The following VPS13C variants were observed in gnomAD, a reference collection of about 807,000 sequenced individuals.
The protein encoded by VPS13C is intermembrane lipid transfer protein VPS13C.
VPS13C carries 358 observed loss-of-function variants against 456.8 expected under a neutral mutation model. The observed-to-expected ratio is 0.78, with a 90% CI of 0.72 to 0.86. The LOEUF (loss-of-function observed/expected upper bound fraction) is 0.86. VPS13C is among the 40% of genes least tolerant of loss of function. The pLI is 0.00. For missense variants in VPS13C, 4,818 were observed against 4,385.4 expected, an observed-to-expected ratio of 1.10 and a Z score of -2.79; for synonymous variants, 1,578 against 1,486.7, an observed-to-expected ratio of 1.06 and a Z score of -1.41.
chr15:61,910,362 G>A, intron 63 of VPS13C, 57 bp from the exon 64 acceptor site: 1 of 1,263,084 alleles, frequency 7.9e-7, no homozygotes, highest in South Asian at 2.4e-5. Flanking sequence ...TAATAAATAA[G>A]ACATTACCTA....
chr15:61,936,124 T>A (rs375453901), intron 48 of VPS13C, among the ~76,000 whole-genome samples: 1 of 152,210 alleles, frequency 6.6e-6, no homozygotes, highest in Non-Finnish European at 1.5e-5. Context: ...CTGCTTTTAA[T>A]AGGTTCAAAT....
At chr15:62,011,957 A>C in intron 12 of VPS13C, 150 bp downstream of exon 12, 1 of 507,088 alleles carries the variant, frequency 2.0e-6, no homozygotes, top group Non-Finnish European at 3.5e-6. Flanking sequence ...CTAAATAATA[A>C]GTTATAACCC....
At chr15:61,933,152 T>C (rs1299671871) in intron 49 of VPS13C, among the ~76,000 whole-genome samples, 1 of 152,188 alleles carries the variant, frequency 6.6e-6, no homozygotes, top group Non-Finnish European at 1.5e-5. Flanking sequence ...GTACTCAGCA[T>C]CTCAATGAAT....
intron 66 of VPS13C, among the ~76,000 whole-genome samples, chr15:61,901,090 AC>A (rs1477220739): frequency 6.6e-6 from 1 of 151,312 alleles, no homozygotes; most frequent in Non-Finnish European, 1.5e-5. Flanking sequence ...CCTTCCTTAC[AC>A]CTTATACAAA....
At chr15:61,980,354 T>C (rs550057586) in intron 22 of VPS13C, among the ~76,000 whole-genome samples, 64 of 152,246 alleles carry the variant, frequency 4.2e-4, no homozygotes, top group African/African-American at 1.4e-3. Context: ...GCAACAGTTT[T>C]TGGGGATGCT....
At chr15:62,000,778 AAATTTTTT>A in intron 15 of VPS13C, 152 bp from the exon 16 acceptor site, 2 of 526,152 alleles carry the variant, frequency 3.8e-6, no homozygotes, top group Non-Finnish European at 6.2e-6. Flanking sequence ...CTAGACTTTT[AAATTTTTT>A]AATTTTTTAC....
rs202146413 is a variant in VPS13C at position 61,927,292 on chromosome 15, T to C, written c.6315A>G (p.Leu2105=). 9.9e-6 allele frequency: 16 copies of C among 1,614,010 alleles called. No individual in the cohort carries two copies. Among genetic ancestry groups the C allele is most frequent in the Non-Finnish European group, 1.3e-5 (15 of 1,180,004 alleles). Residue 2105 remains leucine, a synonymous_variant, in exon 52 of 85, where the codon TTA becomes TTG. Transcript: ENST00000644861. ...CTTCTGGATCTGTGATCATGGCCTTTAAAGTCATATTTGGTCTAACAGAGT... is the reference window on the plus strand; with the variant it reads ...CTTCTGGATCTGTGATCATGGCCTTCAAAGTCATATTTGGTCTAACAGAGT... ...KDDSVRPNMT[L]KAMITDPEVV...
rs969347912 is a variant in VPS13C, at chr15:61,881,662, AAT to A, written c.9707-32_9707-31del. 15 of 1,607,508 alleles carry A rather than the reference AAT, an allele frequency of 9.3e-6. No individual in the cohort carries two copies. In the African/African-American group the frequency reaches 1.6e-4, roughly 17 times the overall value. On this transcript the variant is annotated intron_variant, in intron 70 of 84. Coordinates refer to ENST00000644861, the MANE Select transcript of VPS13C (RefSeq NM_020821.3). ...GAGGAAGAAGTAACACATAAAAAAA[AAT>A]AATGCTTTATACTAGGTTAAACTAA...
rs1326296668 is a variant in VPS13C, at chr15:61,954,509, T to C, written c.4211A>G (p.His1404Arg). Reference protein sequence around the residue: ...PLEISISQDVHDSKNTLTTGV... With the variant: ...PLEISISQDVRDSKNTLTTGV... The stretch of plus-strand genomic sequence containing the variant: ...AGTTGTTAAAGTATTTTTTGAATCA[T>C]GTACATCTTGTGATATAGAGATTTC... Residue 1404 changes from histidine to arginine, a missense_variant, in exon 38 of 85, where the codon CAT becomes CGT. Physicochemically the swap from His to Arg is conservative, Grantham distance 29 (BLOSUM62 0). Around this residue, in one of 3 missense-constraint regions of VPS13C, gnomAD observed 4,552 missense variants for 4,130.6 expected, o/e 1.10. Transcript: ENST00000644861. 5.6e-6 allele frequency: 9 copies of C among 1,608,312 alleles called. No individual in the cohort carries two copies. Among genetic ancestry groups the C allele is most frequent in the Admixed American group, 1.7e-5 (1 of 59,168 alleles).
In VPS13C at chr15:61,867,094, T is replaced by G. The variant is rs1217320091; in HGVS notation, c.10863+1565A>C. On this transcript the variant is annotated intron_variant, in intron 81 of 84. Transcript: ENST00000644861. The surrounding 1 kb of genome is among the most constrained non-coding windows in gnomAD (Gnocchi z 5.0). Reference sequence around the variant, plus strand: ...AGATAATAAACCCTCTCTAAGGATTTAAAAGCAAAAGGTTGGTTTTTGAAA... The same window carrying G: ...AGATAATAAACCCTCTCTAAGGATTGAAAAGCAAAAGGTTGGTTTTTGAAA... The G allele has an allele frequency of 1.0e-6, 1 of 956,690 alleles. No individual in the cohort carries two copies. The highest frequency in any genetic ancestry group is 1.8e-5 in the African/African-American group (1 of 56,650). The allele number at this position is 956,690 out of a possible 1,614,324, so 59.3% of individuals were successfully genotyped here.
At chr15:61,982,741 G>A (rs933807) in intron 20 of VPS13C, among the ~76,000 whole-genome samples, 168 bp from the exon 21 acceptor site, 1 of 151,996 alleles carries the variant, frequency 6.6e-6, no homozygotes, top group Non-Finnish European at 1.5e-5. Context: ...CCTGGAGAAA[G>A]GAAGAGCCTA....
chr15:61,990,640 G>A (rs564911096), intron 18 of VPS13C, among the ~76,000 whole-genome samples: 3 of 151,874 alleles, frequency 2.0e-5, no homozygotes, highest in Non-Finnish European at 4.4e-5. Context: ...GCAAAACCTC[G>A]TCTCCACTAA....
Position 61,962,753 on chromosome 15 carries a change from T to C in VPS13C, c.3431A>G (p.Lys1144Arg), listed in dbSNP as rs564863818. ...TATCTGTTTACAATCACCTACTTTCTTATGAACTGTCTTTGGATCAACATC... is the reference window on the plus strand; with the variant it reads ...TATCTGTTTACAATCACCTACTTTCCTATGAACTGTCTTTGGATCAACATC... ...VTDVDPKTVHKKAVSIMGNEV... is the reference protein window; with the variant it reads ...VTDVDPKTVHRKAVSIMGNEV... The change falls in exon 33 of 85, where the codon AAG becomes AGG. Residue 1144 changes from lysine (K) to arginine (R), a missense_variant. Coordinates refer to ENST00000644861, the MANE Select transcript of VPS13C (RefSeq NM_020821.3). 2 of 1,591,190 alleles carry C rather than the reference T, an allele frequency of 1.3e-6. No homozygotes were observed. The highest frequency in any genetic ancestry group is 1.2e-5 in the South Asian group (1 of 86,528).
intron 42 of VPS13C, 136 bp from the exon 43 acceptor site, chr15:61,947,445 A>T (rs983834419): frequency 3.7e-6 from 2 of 545,338 alleles, no homozygotes; most frequent in African/African-American, 4.0e-5. Context: ...GATAACATGT[A>T]ATTAACATAA....
intron 57 of VPS13C, among the ~76,000 whole-genome samples, chr15:61,919,712 A>C (rs1168003925): frequency 6.6e-6 from 1 of 151,248 alleles, no homozygotes; most frequent in African/African-American, 2.4e-5. Flanking sequence ...ATATAGCAAC[A>C]ATCTTTTTCT....
rs2046887585 is a variant in VPS13C at position 62,007,349 on chromosome 15, T to C, written c.1249A>G (p.Thr417Ala). Residue 417 changes from threonine to alanine, a missense_variant, in exon 15 of 85, where the codon ACA (threonine) becomes GCA (alanine). Physicochemically the swap from Thr to Ala is moderately conservative, Grantham distance 58 (BLOSUM62 0). Transcript: ENST00000644861. ...SYKIAYKNKL[T>A]QSKVSEEIQK... ...ATTTCTTCTGAGACTTTAGACTGTGTTAACTTGTTTTTGTAGGCAATTTTA... is the reference window on the plus strand; with the variant it reads ...ATTTCTTCTGAGACTTTAGACTGTGCTAACTTGTTTTTGTAGGCAATTTTA... 1 of 1,612,418 alleles carries C rather than the reference T, an allele frequency of 6.2e-7. No individual in the cohort carries two copies.
intron 19 of VPS13C, among the ~76,000 whole-genome samples, chr15:61,984,613 G>A (rs977659792): frequency 6.6e-6 from 1 of 152,010 alleles, no homozygotes; most frequent in Admixed American, 6.6e-5. Flanking sequence ...ACATTATTGA[G>A]CCTATAAATT....
intron 66 of VPS13C, among the ~76,000 whole-genome samples, chr15:61,897,475 T>C (rs1422389106): frequency 6.6e-6 from 1 of 152,174 alleles, no homozygotes. Flanking sequence ...CAGGAGCCGA[T>C]GCGATCAACT....
chr15:61,965,765 CA>C (rs1420631769), intron 30 of VPS13C, among the ~76,000 whole-genome samples: 6 of 151,796 alleles, frequency 4.0e-5, no homozygotes, highest in African/African-American at 1.4e-4. Flanking sequence ...ACCTGTACAT[CA>C]AACAATGGTA....
Sources: allele counts gnomAD v4.1 joint callset (sites outside exome capture counted in the v4.1 genomes callset), GRCh38; gene constraint gnomAD v4.1.1; regional missense constraint gnomAD v4.1.1; non-coding constraint Gnocchi (gnomAD v3.1); transcripts MANE v1.5; gene names NCBI Gene and HGNC (gene_info 2026-07-23, HGNC 2026-07-21).